CFTR: variants seen among roughly 807,000 people sequenced by gnomAD.
The protein encoded by CFTR is cystic fibrosis transmembrane conductance regulator.
CFTR carries 181 observed loss-of-function variants against 171.6 expected under a neutral mutation model. The observed-to-expected ratio is 1.05, with a 90% CI of 0.93 to 1.19. CFTR has a LOEUF of 1.19. Ranked by LOEUF, CFTR falls within the 50% of genes most tolerant of loss-of-function variation. The pLI, the probability that CFTR is intolerant of heterozygous loss-of-function variation, is 0.00. For synonymous variants in CFTR, 583 were observed against 608.0 expected (o/e 0.96, Z 0.60); for missense variants, 1,968 against 1,734.7 (o/e 1.13, Z -2.39).
At chr7:117,642,808 A>T (rs2116168628) in intron 23 of CFTR, among the ~76,000 whole-genome samples, 1 of 152,246 alleles carries the variant, frequency 6.6e-6, no homozygotes, top group East Asian at 1.9e-4. Context: ...CATAGCTTTG[A>T]TAGTGTTTTT....
chr7:117,544,481 G>A lies in CFTR; in HGVS notation c.1209+2373G>A, dbSNP rs74324451. 1.6e-4 allele frequency among the ~76,000 whole-genome samples: 24 copies of A among 152,224 alleles called. 1 individual carries two copies. The East Asian group carries it at 3.5e-3, about 22-fold the overall frequency. On this transcript the variant is annotated intron_variant, in intron 9 of 26. Transcript: ENST00000003084. ...ATACATGGAGAAAATAGAGGCCACCGTCATATTTGAATGTTTCCAACTTCT... is the reference window on the plus strand; with the variant it reads ...ATACATGGAGAAAATAGAGGCCACCATCATATTTGAATGTTTCCAACTTCT...
chr7:117,641,189 T>C (rs570377127), intron 22 of CFTR, among the ~76,000 whole-genome samples: 1 of 152,288 alleles, frequency 6.6e-6, no homozygotes, highest in African/African-American at 2.4e-5. Context: ...CTTATCAGCT[T>C]ATCCCAAAGA....
intron 11 of CFTR, among the ~76,000 whole-genome samples, chr7:117,573,979 T>G (rs1378818760): frequency 6.6e-6 from 1 of 152,112 alleles, no homozygotes; most frequent in Non-Finnish European, 1.5e-5. Context: ...TGTGTAAGGC[T>G]TCTCTGATAA....
intron 1 of CFTR, among the ~76,000 whole-genome samples, chr7:117,496,868 C>T (rs561983893): frequency 1.3e-5 from 2 of 151,820 alleles, no homozygotes; most frequent in African/African-American, 4.8e-5. Context: ...TACAGCCATC[C>T]TACTGGGCAT....
intron 22 of CFTR, among the ~76,000 whole-genome samples, chr7:117,633,996 G>T (rs1295075501): frequency 6.6e-6 from 1 of 152,070 alleles, no homozygotes; most frequent in East Asian, 1.9e-4. Flanking sequence ...TTAAGGTAAT[G>T]CTGGCCTCAT....
At chr7:117,584,157 C>T (rs1791894320) in intron 11 of CFTR, among the ~76,000 whole-genome samples, 1 of 152,088 alleles carries the variant, frequency 6.6e-6, no homozygotes, top group South Asian at 2.1e-4. Context: ...TTTTGCTGTG[C>T]AAAAGCTTTT....
intron 6 of CFTR, 78 bp from the exon 7 acceptor site, chr7:117,536,470 C>T (rs557519394): frequency 6.5e-6 from 9 of 1,374,980 alleles, no homozygotes; most frequent in South Asian, 6.3e-5. Context: ...TGACTTAAAA[C>T]CTTGAGCAGT....
In CFTR at chr7:117,654,275, C is replaced by T. The variant is rs77434994; in HGVS notation, c.3963+1344C>T. Among the ~76,000 whole-genome samples the T allele has an allele frequency of 2.0e-3, 297 of 152,266 alleles. 1 individual carries two copies. Among genetic ancestry groups the T allele is most frequent in the African/African-American group, 7.0e-3 (290 of 41,556 alleles). On this transcript the variant is annotated intron_variant, in intron 24 of 26. Transcript: ENST00000003084. ...ATGTGGGCTCTATGTGGTGACCTCA[C>T]CCCTGGGCCTCTACCTGGGCCCTGT...
intron 4 of CFTR, among the ~76,000 whole-genome samples, chr7:117,532,859 G>T (rs1798885497): frequency 2.0e-5 from 3 of 152,066 alleles, no homozygotes; most frequent in Non-Finnish European, 4.4e-5. Context: ...GCTTTGGTTT[G>T]CTCCCTAAAG....
chr7:117,627,151 T>C (rs1480191303), intron 21 of CFTR, among the ~76,000 whole-genome samples: 1 of 152,026 alleles, frequency 6.6e-6, no homozygotes, highest in Non-Finnish European at 1.5e-5. Flanking sequence ...TCAGTAGTGG[T>C]TTTGAGGTGT....
At chr7:117,486,994 G>A (rs943835328) in intron 1 of CFTR, among the ~76,000 whole-genome samples, 2 of 151,768 alleles carry the variant, frequency 1.3e-5, no homozygotes, top group African/African-American at 4.8e-5. Context: ...AAAGAGAAGA[G>A]TTAAGGATAA....
At chr7:117,514,954 C>G (rs994196494) in intron 3 of CFTR, among the ~76,000 whole-genome samples, 1 of 151,374 alleles carries the variant, frequency 6.6e-6, no homozygotes, top group African/African-American at 2.4e-5. Context: ...ATGTAAATGT[C>G]TTTTGTGAAG....
chr7:117,634,171 G>C (rs1045416008), intron 22 of CFTR, among the ~76,000 whole-genome samples: 4 of 151,976 alleles, frequency 2.6e-5, no homozygotes, highest in Non-Finnish European at 5.9e-5. Flanking sequence ...ATAGATATAG[G>C]CCTATTCAGA....
At chr7:117,629,241 G>C (rs1245696378) in intron 22 of CFTR, among the ~76,000 whole-genome samples, 1 of 152,130 alleles carries the variant, frequency 6.6e-6, no homozygotes, top group African/African-American at 2.4e-5. Context: ...AGGTACTTTG[G>C]GGGAATTGGA....
rs1010138382 is a variant in CFTR at position 117,597,933 on chromosome 7, C to T, written c.2619+2875C>T. 1.3e-5 allele frequency among the ~76,000 whole-genome samples: 2 copies of T among 152,040 alleles called. 1 individual carries two copies. The highest frequency in any genetic ancestry group is 4.8e-5 in the African/African-American group (2 of 41,410). The stretch of plus-strand genomic sequence containing the variant: ...ATGAGGCTTTTCTATGGATCATGAG[C>T]AGCCACATAAATGCTTAAAAGGGCC... On this transcript the variant is annotated intron_variant, in intron 15 of 26. Transcript: ENST00000003084.
intron 11 of CFTR, among the ~76,000 whole-genome samples, chr7:117,571,926 G>A (rs930404210): frequency 2.0e-5 from 3 of 152,018 alleles, no homozygotes; most frequent in Non-Finnish European, 4.4e-5. Context: ...AGTAAAAATT[G>A]CATTCGAATT....
chr7:117,584,536 A>G (rs1275732408), intron 11 of CFTR, among the ~76,000 whole-genome samples: 1 of 151,946 alleles, frequency 6.6e-6, no homozygotes, highest in Non-Finnish European at 1.5e-5. Flanking sequence ...CTACTTGCCT[A>G]TTTGTGTACC....
chr7:117,485,240 T>C (rs932732308), intron 1 of CFTR, among the ~76,000 whole-genome samples: 1 of 152,188 alleles, frequency 6.6e-6, no homozygotes, highest in Non-Finnish European at 1.5e-5. Flanking sequence ...GTGTTAACTA[T>C]TTAGCATGCA....
At chr7:117,501,236 T>C (rs560271463) in intron 1 of CFTR, among the ~76,000 whole-genome samples, 21 of 152,244 alleles carry the variant, frequency 1.4e-4, no homozygotes, top group African/African-American at 4.3e-4. Flanking sequence ...GTTCTACAGG[T>C]TCTTTTCTTT....
Sources: gnomAD v4.1 joint callset for allele counts (sites outside exome capture counted in the v4.1 genomes callset) on GRCh38, gnomAD v4.1.1 for gene constraint, MANE v1.5 for transcripts, NCBI Gene and HGNC (gene_info 2026-07-23, HGNC 2026-07-21) for gene names.